The following FSTL5 variants were observed in gnomAD, a reference collection of about 807,000 sequenced individuals.
FSTL5 encodes follistatin-related protein 5.
Under a neutral mutation model 89.1 loss-of-function variants are expected in FSTL5, and 62 were observed. The observed-to-expected ratio is 0.70, with a 90% CI of 0.57 to 0.86. The LOEUF (loss-of-function observed/expected upper bound fraction) is 0.86, where lower values mean the gene tolerates loss of function less well. Among genes scored for constraint, FSTL5 ranks in the 40% least tolerant of loss-of-function variants. FSTL5 has a pLI of 0.00. For synonymous variants in FSTL5, 383 were observed against 346.2 expected (o/e 1.11, Z -1.18); for missense variants, 1,057 against 1,001.6 (o/e 1.06, Z -0.75).
At chr4:162,035,318 G>A (rs1435933347) in intron 2 of FSTL5, 1 of 152,112 alleles carries the variant, frequency 6.6e-6, no homozygotes, top group African/African-American at 2.4e-5. Flanking sequence ...GCTACAGAAG[G>A]TGACAGTGTT....
At chr4:161,979,114 C>T (rs1735743297) in intron 3 of FSTL5, among the ~76,000 whole-genome samples, 1 of 152,150 alleles carries the variant, frequency 6.6e-6, no homozygotes, top group Non-Finnish European at 1.5e-5. Flanking sequence ...CTTCTTGAAT[C>T]TGGTCTTGGC....
chr4:161,420,868 T>C (rs1217706569), intron 15 of FSTL5, among the ~76,000 whole-genome samples: 1 of 150,612 alleles, frequency 6.6e-6, no homozygotes, highest in Non-Finnish European at 1.5e-5. Context: ...ATATATTATG[T>C]GTATGGTATT....
intron 12 of FSTL5, among the ~76,000 whole-genome samples, chr4:161,497,796 T>A (rs569373954): frequency 6.6e-6 from 1 of 152,126 alleles, no homozygotes; most frequent in East Asian, 1.9e-4. Context: ...TAACTAGTTA[T>A]CTCTACTTTG....
intron 10 of FSTL5, among the ~76,000 whole-genome samples, chr4:161,514,209 T>G (rs1365446002): frequency 1.3e-5 from 2 of 151,370 alleles, no homozygotes; most frequent in African/African-American, 4.9e-5. Flanking sequence ...CAATGGATGA[T>G]TGGATAAATA....
Position 162,026,410 on chromosome 4 carries a change from C to T in FSTL5, c.160+7215G>A, listed in dbSNP as rs571004710. Among the ~76,000 whole-genome samples the T allele has an allele frequency of 1.3e-3, 186 of 147,876 alleles. 1 individual carries two copies. The highest frequency in any genetic ancestry group is 4.4e-3 in the African/African-American group (179 of 40,326). On this transcript the variant is annotated intron_variant, in intron 3 of 15. Coordinates refer to ENST00000306100, the MANE Select transcript of FSTL5 (RefSeq NM_020116.5). ...GCAACCTACTTCTCCTGGGTTCAAGCGATTCTACTGCCTCAGCCTCCTGAG... is the reference window on the plus strand; with the variant it reads ...GCAACCTACTTCTCCTGGGTTCAAGTGATTCTACTGCCTCAGCCTCCTGAG...
chr4:161,996,108 A>G (rs1354453824), intron 3 of FSTL5, among the ~76,000 whole-genome samples: 2 of 152,250 alleles, frequency 1.3e-5, no homozygotes, highest in East Asian at 3.9e-4. Flanking sequence ...AATGGATTCA[A>G]TCTGGAGAAT....
intron 4 of FSTL5, among the ~76,000 whole-genome samples, chr4:161,862,942 C>T (rs998552224): frequency 5.9e-5 from 9 of 152,102 alleles, no homozygotes; most frequent in African/African-American, 2.2e-4. Flanking sequence ...ATATTCTCCT[C>T]ATCAAATATC....
intron 15 of FSTL5, among the ~76,000 whole-genome samples, chr4:161,408,986 T>C (rs187237475): frequency 1.3e-5 from 2 of 152,320 alleles, no homozygotes; most frequent in Non-Finnish European, 2.9e-5. Context: ...ATAACTTATA[T>C]TTGAGGATAT....
intron 5 of FSTL5, among the ~76,000 whole-genome samples, chr4:161,760,983 T>A (rs1426867607): frequency 6.6e-6 from 1 of 152,220 alleles, no homozygotes; most frequent in Non-Finnish European, 1.5e-5. Flanking sequence ...TCTAGTCAGC[T>A]AAGCAGTGAT....
intron 4 of FSTL5, among the ~76,000 whole-genome samples, chr4:161,884,665 TA>T (rs991412483): frequency 8.5e-5 from 13 of 152,208 alleles, no homozygotes; most frequent in African/African-American, 3.1e-4. Context: ...GCTGCTGTGC[TA>T]AACAAAACAG....
chr4:161,666,001 A>G (rs941237619), intron 6 of FSTL5, among the ~76,000 whole-genome samples: 2 of 152,134 alleles, frequency 1.3e-5, no homozygotes, highest in Non-Finnish European at 2.9e-5. Context: ...GTAGAGAAAG[A>G]TTTTGTTAAC....
intron 2 of FSTL5, among the ~76,000 whole-genome samples, chr4:162,104,246 T>C (rs1451948241): frequency 6.6e-6 from 1 of 152,216 alleles, no homozygotes; most frequent in South Asian, 2.1e-4. Context: ...CTAATGGAGC[T>C]GAACACTAGT....
intron 4 of FSTL5, among the ~76,000 whole-genome samples, chr4:161,835,590 C>A (rs1044438314): frequency 1.1e-3 from 164 of 151,970 alleles, no homozygotes; most frequent in Non-Finnish European, 1.7e-3. Flanking sequence ...CTACAATGAA[C>A]TCAAACAAAT....
chr4:161,949,779 T>A lies in FSTL5; in HGVS notation c.161-29127A>T, dbSNP rs527462499. ...AGTCCAAGCTAAAAGTTTTTTTTTTTAAATTAACATTTACATTTGGATTTT... is the reference window on the plus strand; with the variant it reads ...AGTCCAAGCTAAAAGTTTTTTTTTTAAAATTAACATTTACATTTGGATTTT... On this transcript the variant is annotated intron_variant, in intron 3 of 15. Coordinates refer to ENST00000306100, the MANE Select transcript of FSTL5 (RefSeq NM_020116.5). Among the ~76,000 whole-genome samples the A allele has an allele frequency of 7.1e-4, 108 of 151,970 alleles. 1 individual carries two copies. Among genetic ancestry groups the A allele is most frequent in the Non-Finnish European group, 1.2e-3 (84 of 67,952 alleles).
intron 4 of FSTL5, among the ~76,000 whole-genome samples, chr4:161,783,013 C>T (rs1008681305): frequency 3.9e-5 from 6 of 152,254 alleles, no homozygotes; most frequent in Admixed American, 3.9e-4. Flanking sequence ...CATCTCCTCC[C>T]ACCACTGTCA....
rs377262817 is a variant in FSTL5 at position 161,656,931 on chromosome 4, C to G, written c.728-437G>C. Among the ~76,000 whole-genome samples the G allele has an allele frequency of 3.9e-5, 6 of 152,198 alleles. No homozygotes were observed. The East Asian group carries it at 9.7e-4, about 24-fold the overall frequency. ...AAAATGCATCTTTTTGCTGGGAAAC[C>G]TATTGACTCTGAAGGCATAAGATTT... On this transcript the variant is annotated intron_variant, in intron 6 of 15. Transcript: ENST00000306100.
At chr4:161,748,142 C>A (rs1171473997) in intron 6 of FSTL5, among the ~76,000 whole-genome samples, 1 of 151,924 alleles carries the variant, frequency 6.6e-6, no homozygotes, top group African/African-American at 2.4e-5. Context: ...AGCTAATAAT[C>A]ATCAAACTAA....
intron 4 of FSTL5, among the ~76,000 whole-genome samples, chr4:161,814,583 T>C (rs899816691): frequency 3.3e-5 from 5 of 152,160 alleles, no homozygotes; most frequent in African/African-American, 1.2e-4. Flanking sequence ...TGTGATGGAC[T>C]CCTGTGCAAT....
chr4:161,643,591 T>C (rs1477044202), intron 7 of FSTL5, among the ~76,000 whole-genome samples: 1 of 152,196 alleles, frequency 6.6e-6, no homozygotes, highest in Non-Finnish European at 1.5e-5. Context: ...AATCAATATT[T>C]GTTAAATGCA....
Sources: allele counts gnomAD v4.1 joint callset (sites outside exome capture counted in the v4.1 genomes callset), GRCh38; gene constraint gnomAD v4.1.1; transcripts MANE v1.5; gene names NCBI Gene and HGNC (gene_info 2026-07-23, HGNC 2026-07-21).